The following ING5 variants were observed in gnomAD, a reference collection of about 807,000 sequenced individuals.
ING5 encodes the protein inhibitor of growth family member 5.
Under a neutral mutation model 37.4 loss-of-function variants are expected in ING5, and 17 were observed. That is an observed-to-expected ratio of 0.45 (90% CI 0.31 to 0.68). ING5 has a LOEUF of 0.68. ING5 is among the 30% of genes least tolerant of loss of function. The pLI is 0.05. For synonymous variants in ING5, 123 were observed against 116.6 expected (o/e 1.06, Z -0.36); for missense variants, 233 against 311.9 (o/e 0.75, Z 1.91).
Position 241,729,431 on chromosome 2 carries a change from T to C in ING5, c.*4400T>C, listed in dbSNP as rs917224891. 1 of 152,674 alleles carries C rather than the reference T, an allele frequency of 6.5e-6. No homozygotes were observed. Among genetic ancestry groups the C allele is most frequent in the Non-Finnish European group, 1.5e-5 (1 of 68,050 alleles). The allele number at this position is 152,674 out of a possible 1,614,324, so 9.5% of individuals were successfully genotyped here. A position where few individuals can be genotyped will look rare whatever the true frequency, so the allele number is the denominator to read the frequency against. ...ATATCAGTATTTTTGGATCATGTTA[T>C]AGATTATGGATATATTGTTTAATAA... On this transcript the variant is annotated 3_prime_UTR_variant, in exon 8 of 8. Transcript: ENST00000313552.
intron 2 of ING5, among the ~76,000 whole-genome samples, chr2:241,694,683 C>A (rs1036112588): frequency 6.6e-6 from 1 of 150,552 alleles, no homozygotes; most frequent in African/African-American, 2.4e-5. Context: ...GTTGGTATAA[C>A]CTTCCCTTTG....
At chr2:241,693,182 C>T (rs1176207504) in intron 2 of ING5, among the ~76,000 whole-genome samples, 1 of 149,246 alleles carries the variant, frequency 6.7e-6, no homozygotes, top group Non-Finnish European at 1.5e-5. Context: ...TTGCTTGAAC[C>T]CAGGAGGCGG....
At chr2:241,722,638 G>C (rs1233217386) in intron 5 of ING5, 1 of 984,920 alleles carries the variant, frequency 1.0e-6, no homozygotes, top group African/African-American at 1.7e-5. Flanking sequence ...AGGGGTTATT[G>C]AGGTTTTGAA....
rs1042025128 is a variant in ING5 at position 241,726,416 on chromosome 2, G to T, written c.*1385G>T. The T allele has an allele frequency of 9.2e-5, 14 of 152,292 alleles. No individual in the cohort carries two copies. The highest frequency in any genetic ancestry group is 9.2e-4 in the Admixed American group (14 of 15,292). 9.4% of individuals were successfully genotyped at this position (152,292 alleles called of 1,614,324 possible). Reference sequence around the variant, plus strand: ...AAGCAGAAGGAACGTGTGAAGCTCTGTGTCTCAGACGGGGCCCTCCCGTCG... The same window carrying T: ...AAGCAGAAGGAACGTGTGAAGCTCTTTGTCTCAGACGGGGCCCTCCCGTCG... On this transcript the variant is annotated 3_prime_UTR_variant, in exon 8 of 8. Coordinates refer to ENST00000313552, the MANE Select transcript of ING5 (RefSeq NM_032329.6).
intron 5 of ING5, chr2:241,721,882 G>A: frequency 5.1e-6 from 5 of 985,602 alleles, no homozygotes; most frequent in Non-Finnish European, 6.0e-6. Context: ...TGCTACAGGT[G>A]GCAGGCTTGG....
At chr2:241,724,797 G>A (rs1171316187) in intron 7 of ING5, 192 bp from the exon 8 acceptor site, 2 of 600,396 alleles carry the variant, frequency 3.3e-6, no homozygotes, top group Non-Finnish European at 5.9e-6. Flanking sequence ...CAGAACCGGC[G>A]TCCTGCATAG....
intron 2 of ING5, among the ~76,000 whole-genome samples, chr2:241,695,757 T>C (rs2069621290): frequency 2.0e-5 from 3 of 152,202 alleles, no homozygotes; most frequent in Admixed American, 2.0e-4. Flanking sequence ...TGGGAACAGA[T>C]ACTTGCAGTT....
intron 2 of ING5, among the ~76,000 whole-genome samples, chr2:241,696,209 G>A (rs1377680437): frequency 6.6e-6 from 1 of 152,042 alleles, no homozygotes; most frequent in Non-Finnish European, 1.5e-5. Context: ...GGCCAACATA[G>A]TGAAACCCCG....
chr2:241,720,967 G>A (rs768250904), intron 5 of ING5: 47 of 985,554 alleles, frequency 4.8e-5, no homozygotes, highest in Non-Finnish European at 5.5e-5. Context: ...TCAGGCCCCC[G>A]GCCCTCTCCC....
intron 5 of ING5, chr2:241,721,748 C>CT: frequency 1.0e-6 from 1 of 985,428 alleles, no homozygotes; most frequent in Admixed American, 6.1e-5. Context: ...TCTATAGTAC[C>CT]TGCAGCTTGT....
At chr2:241,699,657 C>T (rs193056531), upstream of ING5, among the ~76,000 whole-genome samples, 429 of 151,716 alleles carry the variant, frequency 2.8e-3, 3 homozygotes, top group African/African-American at 0.01. Flanking sequence ...AGCAACGTTG[C>T]ATCTCGGAAG....
upstream of ING5, among the ~76,000 whole-genome samples, chr2:241,699,415 G>A (rs1269155893): frequency 6.6e-6 from 1 of 152,072 alleles, no homozygotes; most frequent in African/African-American, 2.4e-5. Context: ...CACCAAGGGG[G>A]ACATAGCTTG....
intron 2 of ING5, among the ~76,000 whole-genome samples, chr2:241,705,997 C>G (rs1575124072): frequency 6.6e-6 from 1 of 152,138 alleles, no homozygotes; most frequent in African/African-American, 2.4e-5. Context: ...TTGTGTATTT[C>G]TTAGAGTTAC....
Position 241,712,411 on chromosome 2 carries a change from T to C in ING5, c.482+340T>C, listed in dbSNP as rs141583181. On this transcript the variant is annotated intron_variant, in intron 5 of 7. Coordinates refer to ENST00000313552, the MANE Select transcript of ING5 (RefSeq NM_032329.6). ...CAGGAGGATGGTGAGCAACGTGTTG[T>C]TGACAGAGGCCAATGTAGACCACTC... 2.1e-3 allele frequency: 518 copies of C among 241,866 alleles called. 2 individuals are homozygous for C. Among genetic ancestry groups the C allele is most frequent in the African/African-American group, 0.011 (493 of 44,894 alleles). 15.0% of individuals were successfully genotyped at this position (241,866 alleles called of 1,614,324 possible).
At position 241,725,142 on chromosome 2, in the gene ING5, C is replaced by T. The variant is rs1691562140; in HGVS notation, c.*111C>T. 2.6e-6 allele frequency: 3 copies of T among 1,156,898 alleles called. No individual in the cohort carries two copies. Among genetic ancestry groups the T allele is most frequent in the Non-Finnish European group, 3.9e-6 (3 of 775,936 alleles). 71.7% of individuals were successfully genotyped at this position (1,156,898 alleles called of 1,614,324 possible). On this transcript the variant is annotated 3_prime_UTR_variant, in exon 8 of 8. Coordinates refer to ENST00000313552, the MANE Select transcript of ING5 (RefSeq NM_032329.6). ...TTGTTCGGTTGATACTTAGTAACTC[C>T]GTGGCCAGTTGAAGCGCTGGATGTT...
intron 5 of ING5, 117 bp downstream of exon 5, chr2:241,712,188 A>T (rs574139997): frequency 3.6e-6 from 3 of 835,834 alleles, no homozygotes; most frequent in South Asian, 1.8e-5. Flanking sequence ...GCCGGGTGGT[A>T]TTCTGATTCT....
exon 1 of ING5, chr2:241,687,555 T>G (rs1244642879): frequency 2.6e-6 from 1 of 381,438 alleles, no homozygotes; most frequent in South Asian, 1.4e-4. Context: ...TGAGACAGAG[T>G]CTCGCTCTGT....
exon 2 of ING5, chr2:241,690,572 G>T (rs1384568030): frequency 5.0e-6 from 2 of 398,454 alleles, no homozygotes; most frequent in Non-Finnish European, 8.8e-6. Context: ...GCCACTGACA[G>T]CCTCAGGCCT....
chr2:241,709,753 T>C (rs2070048913), intron 3 of ING5, among the ~76,000 whole-genome samples: 1 of 151,698 alleles, frequency 6.6e-6, no homozygotes, highest in Non-Finnish European at 1.5e-5. Flanking sequence ...ATTACAGGCA[T>C]GCAGCACCAC....
Sources: allele counts gnomAD v4.1 joint callset (sites outside exome capture counted in the v4.1 genomes callset), GRCh38; gene constraint gnomAD v4.1.1; transcripts MANE v1.5; gene names NCBI Gene and HGNC (gene_info 2026-07-23, HGNC 2026-07-21).